The following SHC2 variants were observed in gnomAD, a reference collection of about 807,000 sequenced individuals.
SHC2 encodes the protein SHC adaptor protein 2.
Under a neutral mutation model 60.6 loss-of-function variants are expected in SHC2, and 62 were observed. The observed-to-expected ratio is 1.02, with a 90% confidence interval of 0.83 to 1.26. The LOEUF (loss-of-function observed/expected upper bound fraction) is 1.26, where lower values mean the gene tolerates loss of function less well. Among genes scored for constraint, SHC2 ranks in the 50% most tolerant of loss-of-function variants. The probability of loss-of-function intolerance (pLI) is 0.00; values close to 1 mark genes in which losing one functional copy is unlikely to be tolerated. For missense variants in SHC2, 873 were observed against 822.2 expected, an observed-to-expected ratio of 1.06 and a Z score of -0.76; for synonymous variants, 375 against 372.4, an observed-to-expected ratio of 1.01 and a Z score of -0.08.
chr19:418,768 C>T (rs899817015), intron 12 of SHC2, among the ~76,000 whole-genome samples, 155 bp downstream of exon 12: 3 of 152,114 alleles, frequency 2.0e-5, no homozygotes, highest in African/African-American at 4.8e-5. Context: ...TTCTGGAATT[C>T]GACAGAGATG....
rs1974296568 is a variant in SHC2, at chr19:422,335, G to A, written c.1431C>T (p.Pro477=). ...GCTCCTGACGCAGCTGTTCCTCCGT[G>A]GGGGCCACAGGGGCCCGGCGGGTAG... is the stretch of plus-strand genomic sequence containing the variant. The part of the protein sequence containing the change: ...SPPTRRAPVA[P]TEEQLRQEPW... Residue 477 remains proline (P), a synonymous_variant, in exon 11 of 13, where the codon CCC becomes CCT. Coordinates refer to ENST00000264554, the MANE Select transcript of SHC2 (RefSeq NM_012435.3). The surrounding 1 kb of genome is among the most constrained non-coding windows in gnomAD (Gnocchi z 5.0). The A allele has an allele frequency of 6.2e-7, 1 of 1,609,526 alleles. No homozygotes were observed. The highest frequency in any genetic ancestry group is 2.2e-5 in the East Asian group (1 of 44,738).
rs185208142 is a variant in SHC2 at position 429,815 on chromosome 19, G to A, written c.1174+869C>T. Among the ~76,000 whole-genome samples, 657 of 146,806 alleles carry A rather than the reference G, an allele frequency of 4.5e-3. 27 individuals carry two copies. The East Asian group carries it at 0.099, about 22-fold the overall frequency. On this transcript the variant is annotated intron_variant, in intron 9 of 12. Coordinates refer to ENST00000264554, the MANE Select transcript of SHC2 (RefSeq NM_012435.3). ...CCAACATGCACGGAAACCTCATACC[G>A]TGTGGATGACACAGTACCTATACCC...
chr19:457,344 A>G (rs371799573), intron 1 of SHC2, among the ~76,000 whole-genome samples: 10,291 of 125,990 alleles, frequency 0.082, 759 homozygotes, highest in Middle Eastern at 0.19. Flanking sequence ...AACCCACCAT[A>G]TCAGGCCTTT....
In SHC2 at chr19:436,335, GC is replaced by G. The variant is rs780419882; in HGVS notation, c.826+44del. On this transcript the variant is annotated intron_variant, in intron 6 of 12. Transcript: ENST00000264554. ...TGCAGCCTCCGAGCCACACGGCCGTGCCCCCCAGCCACAGGACCCCCACCGG... is the reference window on the plus strand; with the variant it reads ...TGCAGCCTCCGAGCCACACGGCCGTGCCCCCAGCCACAGGACCCCCACCGG... 3.1e-6 allele frequency: 5 copies of G among 1,590,364 alleles called. No homozygotes were observed. The Admixed American group carries it at 5.2e-5, about 16-fold the overall frequency.
At chr19:419,138 C>T (rs1465741082) in intron 11 of SHC2, 82 bp from the exon 12 acceptor site, 3 of 1,449,872 alleles carry the variant, frequency 2.1e-6, no homozygotes, top group Non-Finnish European at 2.8e-6. Context: ...TGGGGTCCTG[C>T]CGGGGAGCCC....
At position 427,617 on chromosome 19, in the gene SHC2, G is replaced by A. The variant is rs369385238; in HGVS notation, c.1175-2386C>T. Among the ~76,000 whole-genome samples the A allele has an allele frequency of 6.6e-3, 628 of 94,718 alleles. 13 individuals are homozygous for A. Among genetic ancestry groups the A allele is most frequent in the East Asian group, 0.047 (104 of 2,210 alleles). The allele number at this position is 94,718 out of a possible 152,430, so 62.1% of individuals were successfully genotyped here. A position where few individuals can be genotyped will look rare whatever the true frequency, so the allele number is the denominator to read the frequency against. On this transcript the variant is annotated intron_variant, in intron 9 of 12. Coordinates refer to ENST00000264554, the MANE Select transcript of SHC2 (RefSeq NM_012435.3). Reference sequence around the variant, plus strand: ...ACACGGCGCAGGGAAGGGGAATTGCGCACGGCACAGGTAAGGGGACAGGGG... The same window carrying A: ...ACACGGCGCAGGGAAGGGGAATTGCACACGGCACAGGTAAGGGGACAGGGG...
Position 438,842 on chromosome 19 carries a change from G to C in SHC2, c.601-5C>G, listed in dbSNP as rs772022187. 24 of 1,563,742 alleles carry C rather than the reference G, an allele frequency of 1.5e-5. No individual in the cohort carries two copies. Among genetic ancestry groups the C allele is most frequent in the Non-Finnish European group, 2.0e-5 (23 of 1,155,148 alleles). ...CGCCAGGGCCTTGTTGGGGGCCTGA[G>C]TTGGGGGCGGAGCACAGCGAGGGCG... On this transcript the variant is annotated splice_region_variant and splice_polypyrimidine_tract_variant and intron_variant, in intron 3 of 12. Coordinates refer to ENST00000264554, the MANE Select transcript of SHC2 (RefSeq NM_012435.3). The surrounding 1 kb of genome is among the most constrained non-coding windows in gnomAD (Gnocchi z 5.0).
At chr19:444,415 A>G (rs564685786) in intron 1 of SHC2, among the ~76,000 whole-genome samples, 5 of 151,984 alleles carry the variant, frequency 3.3e-5, no homozygotes, top group Non-Finnish European at 7.4e-5. Flanking sequence ...AGGGATTCTC[A>G]TTCCCTTACC....
chr19:460,593 GGTT>G lies in SHC2; in HGVS notation c.401_403del (p.Lys134_Pro135delinsThr). The stretch of plus-strand genomic sequence containing the variant: ...GTCGGGGTGTAGCCAGCCGTGCGCG[GGTT>G]TGTGGATGAAGCTGCCCTTCCGGAT... On this transcript the variant is annotated inframe_deletion, in exon 1 of 13. Transcript: ENST00000264554. The G allele has an allele frequency of 1.4e-6, 2 of 1,406,752 alleles. No homozygotes were observed. The highest frequency in any genetic ancestry group is 1.9e-6 in the Non-Finnish European group (2 of 1,072,938). 87.1% of individuals were successfully genotyped at this position (1,406,752 alleles called of 1,614,324 possible). A position where few individuals can be genotyped will look rare whatever the true frequency, so the allele number is the denominator to read the frequency against.
chr19:440,986 C>G lies in SHC2; in HGVS notation c.469-54G>C. ...CATCGGAACCCCCGCAGTGGAGCCA[C>G]GTCCCTTTTCCCAGCAGCCCTTCGC... On this transcript the variant is annotated intron_variant, in intron 1 of 12. Coordinates refer to ENST00000264554, the MANE Select transcript of SHC2 (RefSeq NM_012435.3). This position sits in a 1 kb window ranked among gnomAD's most constrained non-coding sequence, Gnocchi z 7.0. 6.4e-7 allele frequency: 1 copy of G among 1,565,378 alleles called. No homozygotes were observed. Among genetic ancestry groups the G allele is most frequent in the Non-Finnish European group, 8.8e-7 (1 of 1,137,514 alleles).
At chr19:423,559 C>T (rs1392934753) in intron 10 of SHC2, among the ~76,000 whole-genome samples, 1 of 54,346 alleles carries the variant, frequency 1.8e-5, no homozygotes, top group Non-Finnish European at 3.0e-5. Flanking sequence ...GGTCCTCCCC[C>T]CCTGACCCTC....
chr19:417,972 G>A (rs1974191555), intron 12 of SHC2, among the ~76,000 whole-genome samples: 1 of 152,036 alleles, frequency 6.6e-6, no homozygotes, highest in Admixed American at 6.6e-5. Flanking sequence ...CCCCCTGCCG[G>A]CCCTCCCTCC....
At chr19:442,164 G>A (rs887424894) in intron 1 of SHC2, among the ~76,000 whole-genome samples, 2 of 152,194 alleles carry the variant, frequency 1.3e-5, no homozygotes, top group African/African-American at 4.8e-5. Context: ...ATGGATGCAT[G>A]ATGGGTGGAT....
intron 1 of SHC2, among the ~76,000 whole-genome samples, chr19:448,550 G>A (rs1290654675): frequency 6.6e-6 from 1 of 152,172 alleles, no homozygotes; most frequent in East Asian, 1.9e-4. Context: ...AACCACGTCT[G>A]CAAAGGACCT....
At position 441,881 on chromosome 19, in the gene SHC2, TTTTAGGAC is replaced by T; in HGVS notation, c.469-957_469-950del. Among the ~76,000 whole-genome samples, 1 of 152,360 alleles carries T rather than the reference TTTTAGGAC, an allele frequency of 6.6e-6. No homozygotes were observed. The highest frequency in any genetic ancestry group is 1.9e-4 in the East Asian group (1 of 5,192). ...AAACACTTTGACCCTGCAGCTCCATTTTTAGGACTTTACCCCACAGATACATCAGCCTG... is the reference window on the plus strand; with the variant it reads ...AAACACTTTGACCCTGCAGCTCCATTTTTACCCCACAGATACATCAGCCTG... On this transcript the variant is annotated intron_variant, in intron 1 of 12. Transcript: ENST00000264554. This position sits in a 1 kb window ranked among gnomAD's most constrained non-coding sequence, Gnocchi z 4.9.
chr19:429,262 G>T (rs1300045591), intron 9 of SHC2, among the ~76,000 whole-genome samples: 1 of 88,830 alleles, frequency 1.1e-5, no homozygotes, highest in African/African-American at 4.4e-5. Flanking sequence ...CAACATGCAC[G>T]GAAACCTCAT....
chr19:427,320 G>GC (rs921296240), intron 9 of SHC2, among the ~76,000 whole-genome samples: 12 of 152,356 alleles, frequency 7.9e-5, no homozygotes, highest in African/African-American at 2.4e-4. Flanking sequence ...ATTAAGGCCG[G>GC]CGCTCCGTGA....
At chr19:434,396 T>G (rs2145715346) in intron 8 of SHC2, among the ~76,000 whole-genome samples, 1 of 3,236 alleles carries the variant, frequency 3.1e-4, no homozygotes. Flanking sequence ...CTGAGTGAGA[T>G]CGTGAGTCTG....
chr19:460,442 C>T (rs993131232), intron 1 of SHC2, 87 bp downstream of exon 1: 2 of 525,442 alleles, frequency 3.8e-6, no homozygotes, highest in Non-Finnish European at 5.2e-6. Context: ...GGACACCTGG[C>T]TCGCGGGGTC....
Sources: gnomAD v4.1 joint callset for allele counts (sites outside exome capture counted in the v4.1 genomes callset) on GRCh38, gnomAD v4.1.1 for gene constraint, Gnocchi (gnomAD v3.1) non-coding constraint, MANE v1.5 for transcripts, NCBI Gene and HGNC (gene_info 2026-07-23, HGNC 2026-07-21) for gene names.